The following PGAM5 variants were observed in gnomAD, a reference collection of about 807,000 sequenced individuals.
The protein encoded by PGAM5 is serine/threonine-protein phosphatase PGAM5, mitochondrial.
Under a neutral mutation model 30.6 loss-of-function variants are expected in PGAM5, and 25 were observed. The ratio of observed to expected loss-of-function variants is 0.82; its 90% CI spans 0.60 to 1.14. The LOEUF (loss-of-function observed/expected upper bound fraction) is 1.14, where lower values mean the gene tolerates loss of function less well. Among genes scored for constraint, PGAM5 ranks in the 50% most tolerant of loss-of-function variants. PGAM5 has a pLI of 0.00. For missense variants in PGAM5, 384 were observed against 408.5 expected (o/e 0.94, Z 0.52); for synonymous variants, 201 against 179.1 (o/e 1.12, Z -0.98).
Position 132,721,302 on chromosome 12 carries a change from T to C in PGAM5, c.*474T>C, listed in dbSNP as rs546310084. ...CCCTTAAATATTTGTCAATTAAAGA[T>C]TTTCTGGCTGGGCACAGTGGCTCAC... On this transcript the variant is annotated 3_prime_UTR_variant, in exon 6 of 6. Transcript: ENST00000498926. The C allele has an allele frequency of 6.5e-6, 1 of 152,712 alleles. No homozygotes were observed. Among genetic ancestry groups the C allele is most frequent in the Admixed American group, 6.5e-5 (1 of 15,330 alleles). 9.5% of individuals were successfully genotyped at this position (152,712 alleles called of 1,614,324 possible).
chr12:132,718,813 T>C (rs778149562), intron 5 of PGAM5: 6 of 1,613,522 alleles, frequency 3.7e-6, no homozygotes, highest in Non-Finnish European at 5.1e-6. Flanking sequence ...GGTCCTGACC[T>C]CTTTCACTTG....
intron 5 of PGAM5, chr12:132,718,858 T>TGA (rs774476088): frequency 6.2e-7 from 1 of 1,612,904 alleles, no homozygotes; most frequent in Non-Finnish European, 8.5e-7. Flanking sequence ...TGTGCCAGCG[T>TGA]GACGGCTCGG....
Position 132,714,869 on chromosome 12 carries a change from T to G in PGAM5, c.203T>G (p.Leu68Arg). 8 of 1,613,720 alleles carry G rather than the reference T, an allele frequency of 5.0e-6. No individual in the cohort carries two copies. Among genetic ancestry groups the G allele is most frequent in the Non-Finnish European group, 6.8e-6 (8 of 1,179,974 alleles). ...WDPNWDRREP[L>R]SLINVRKRNV... The stretch of plus-strand genomic sequence containing the variant: ...TATTTCAACATCAGGCGAGAACCAC[T>G]GTCTCTGATCAACGTGCGGAAGAGG... Residue 68 changes from leucine (L) to arginine (R), a missense_variant, in exon 2 of 6, where the codon CTG becomes CGG. Leu to Arg is a moderately radical substitution (Grantham distance 102). Transcript: ENST00000498926.
chr12:132,714,205 G>A (rs762203907), intron 1 of PGAM5, among the ~76,000 whole-genome samples: 4 of 151,948 alleles, frequency 2.6e-5, no homozygotes, highest in Admixed American at 6.6e-5. Flanking sequence ...TTGAGTAGAG[G>A]TGCAATTTCA....
At chr12:132,714,252 A>G (rs976092612) in intron 1 of PGAM5, among the ~76,000 whole-genome samples, 5 of 152,102 alleles carry the variant, frequency 3.3e-5, no homozygotes, top group Admixed American at 2.6e-4. Flanking sequence ...TCTTGACCTC[A>G]GTTGATCTGG....
At position 132,717,584 on chromosome 12, in the gene PGAM5, C is replaced by T; in HGVS notation, c.496+20C>T. On this transcript the variant is annotated intron_variant, in intron 3 of 5. Transcript: ENST00000498926. ...TGCCAGGTGAGTGCTGCGCGCGGGG[C>T]CTCCATGCTTGCAGCAGTGGGCGGC... 1.2e-6 allele frequency: 2 copies of T among 1,608,928 alleles called. No homozygotes were observed. The highest frequency in any genetic ancestry group is 2.2e-5 in the South Asian group (2 of 91,004).
chr12:132,719,409 A>G (rs1370565201), intron 5 of PGAM5, among the ~76,000 whole-genome samples: 4 of 152,192 alleles, frequency 2.6e-5, no homozygotes, highest in Non-Finnish European at 4.4e-5. Context: ...ACGGGCCGAG[A>G]TTCTCAAGCT....
In PGAM5 at chr12:132,718,009, G is replaced by A. The variant is rs2043600409; in HGVS notation, c.608G>A (p.Arg203Gln). 5 of 1,612,750 alleles carry A rather than the reference G, an allele frequency of 3.1e-6. No individual in the cohort carries two copies. The highest frequency in any genetic ancestry group is 4.2e-6 in the Non-Finnish European group (5 of 1,179,970). The change falls in exon 5 of 6, where the codon CGG (arginine) becomes CAG (glutamine). Residue 203 changes from arginine (R) to glutamine (Q), a missense_variant. Arg to Gln is a conservative substitution (Grantham distance 43). Transcript: ENST00000498926. The part of the protein sequence containing the change: ...EAVQYYEDGA[R>Q]IEAAFRNYIH... Reference sequence around the variant, plus strand: ...CAGCAGTATTACGAAGACGGAGCCCGGATCGAGGCCGCCTTCCGGAACTAC... The same window carrying A: ...CAGCAGTATTACGAAGACGGAGCCCAGATCGAGGCCGCCTTCCGGAACTAC...
chr12:132,717,450 G>T lies in PGAM5; in HGVS notation c.382G>T (p.Ala128Ser), dbSNP rs2043591601. 2 of 1,607,584 alleles carry T rather than the reference G, an allele frequency of 1.2e-6. No individual in the cohort carries two copies. The highest frequency in any genetic ancestry group is 1.7e-6 in the Non-Finnish European group (2 of 1,179,846). Reference protein sequence around the residue: ...RTLTPLGREQAELTGLRLASL... With the variant: ...RTLTPLGREQSELTGLRLASL... ...CTTTCACCTTCCAGGTCGGGAGCAGGCTGAACTCACTGGGCTCCGCCTGGC... is the reference window on the plus strand; with the variant it reads ...CTTTCACCTTCCAGGTCGGGAGCAGTCTGAACTCACTGGGCTCCGCCTGGC... The change falls in exon 3 of 6, where the codon GCT becomes TCT. Residue 128 changes from alanine to serine, a missense_variant. Coordinates refer to ENST00000498926, the MANE Select transcript of PGAM5 (RefSeq NM_001170543.2).
At position 132,712,479 on chromosome 12, in the gene PGAM5, G is replaced by A. The variant is rs1455869714; in HGVS notation, c.191+1412G>A. Among the ~76,000 whole-genome samples, 5 of 151,972 alleles carry A rather than the reference G, an allele frequency of 3.3e-5. No individual in the cohort carries two copies. The East Asian group carries it at 7.7e-4, about 23-fold the overall frequency. ...TTTCTTTTTTCTTTTTCCTTGAGAC[G>A]GAGTTTCGCTCTTGTTGCCCAGGCT... On this transcript the variant is annotated intron_variant, in intron 1 of 5. Transcript: ENST00000498926.
chr12:132,715,830 G>T (rs2043571431), intron 2 of PGAM5, among the ~76,000 whole-genome samples: 2 of 151,940 alleles, frequency 1.3e-5, no homozygotes, highest in Non-Finnish European at 2.9e-5. Context: ...AGTGAGCCAA[G>T]ATTGCACCAC....
chr12:132,717,509 T>C lies in PGAM5; in HGVS notation c.441T>C (p.His147=). The change falls in exon 3 of 6, where the codon CAT becomes CAC. Residue 147 remains histidine (H), a synonymous_variant. Coordinates refer to ENST00000498926, the MANE Select transcript of PGAM5 (RefSeq NM_001170543.2). Reference sequence around the variant, plus strand: ...GGTTGAAGTTTAATAAAATCGTCCATTCGTCTATGACGCGCGCCATAGAGA... The same window carrying C: ...GGTTGAAGTTTAATAAAATCGTCCACTCGTCTATGACGCGCGCCATAGAGA... ...SLGLKFNKIV[H]SSMTRAIETT... is the part of the protein sequence containing the mutation. 6.2e-7 allele frequency: 1 copy of C among 1,611,038 alleles called. No individual in the cohort carries two copies.
intron 2 of PGAM5, among the ~76,000 whole-genome samples, chr12:132,716,345 A>G (rs559617565): frequency 3.2e-3 from 479 of 151,764 alleles, no homozygotes; most frequent in Non-Finnish European, 4.6e-3. Context: ...TCGGCCTCCC[A>G]AAGTACTGGG....
Position 132,721,991 on chromosome 12 carries a change from C to G in PGAM5, c.*1163C>G, listed in dbSNP as rs2136090212. ...ATTTCCTGATGATGTTGGGTCTGAA[C>G]TCACCAACTTGATTAGGTCTTTAGG... On this transcript the variant is annotated 3_prime_UTR_variant, in exon 6 of 6. Coordinates refer to ENST00000498926, the MANE Select transcript of PGAM5 (RefSeq NM_001170543.2). The G allele has an allele frequency of 6.6e-6, 1 of 152,226 alleles. No homozygotes were observed. 9.4% of individuals were successfully genotyped at this position (152,226 alleles called of 1,614,324 possible). A position where few individuals can be genotyped will look rare whatever the true frequency, so the allele number is the denominator to read the frequency against.
intron 2 of PGAM5, 118 bp downstream of exon 2, chr12:132,715,154 T>C: frequency 8.7e-7 from 1 of 1,143,344 alleles, no homozygotes; most frequent in Non-Finnish European, 1.2e-6. Flanking sequence ...CTTGGTCAGC[T>C]TTCTTGAAAG....
chr12:132,715,147 G>A (rs2043562601), intron 2 of PGAM5, 111 bp downstream of exon 2: 1 of 1,195,482 alleles, frequency 8.4e-7, no homozygotes, highest in Non-Finnish European at 1.1e-6. Flanking sequence ...CGACCCCCTT[G>A]GTCAGCTTTC....
chr12:132,719,722 T>A (rs2043624021), intron 5 of PGAM5, among the ~76,000 whole-genome samples: 1 of 152,238 alleles, frequency 6.6e-6, no homozygotes, highest in African/African-American at 2.4e-5. Context: ...ATGGCTGTGC[T>A]GTTCCGGCCG....
intron 5 of PGAM5, among the ~76,000 whole-genome samples, chr12:132,719,947 T>G (rs2043626191): frequency 6.6e-6 from 1 of 152,256 alleles, no homozygotes; most frequent in African/African-American, 2.4e-5. Flanking sequence ...TTGCACTAAC[T>G]GGCTGCTCCC....
chr12:132,714,730 T>C (rs2043554926), intron 1 of PGAM5, 128 bp from the exon 2 acceptor site: 3 of 1,046,638 alleles, frequency 2.9e-6, no homozygotes, highest in African/African-American at 1.6e-5. Flanking sequence ...CCCAGGGCTG[T>C]GCCAAGGGCC....
Sources: gnomAD v4.1 joint callset for allele counts (sites outside exome capture counted in the v4.1 genomes callset) on GRCh38, gnomAD v4.1.1 for gene constraint, MANE v1.5 for transcripts, NCBI Gene and HGNC (gene_info 2026-07-23, HGNC 2026-07-21) for gene names.